PRKG1: variants seen among roughly 807,000 people sequenced by gnomAD.
PRKG1 encodes protein kinase cGMP-dependent 1.
PRKG1 carries 35 observed loss-of-function variants against 88.1 expected under a neutral mutation model. That is an observed-to-expected ratio of 0.40 (90% CI 0.30 to 0.53). The LOEUF (loss-of-function observed/expected upper bound fraction) is 0.53, where lower values mean the gene tolerates loss of function less well. Among genes scored for constraint, PRKG1 ranks in the 20% least tolerant of loss-of-function variants. The pLI is 0.59. For missense variants in PRKG1, 540 were observed against 839.8 expected (o/e 0.64, Z 4.41); for synonymous variants, 303 against 292.5 (o/e 1.04, Z -0.37).
chr10:51,828,920 C>A (rs1269130210), intron 4 of PRKG1, among the ~76,000 whole-genome samples: 1 of 152,192 alleles, frequency 6.6e-6, no homozygotes, highest in Non-Finnish European at 1.5e-5. Context: ...ACAAATTACA[C>A]CAAAACGTAC....
Position 51,969,091 on chromosome 10 carries a change from G to A in PRKG1, c.762+61521G>A, listed in dbSNP as rs543612320. On this transcript the variant is annotated intron_variant, in intron 5 of 17. Coordinates refer to ENST00000373980, the MANE Select transcript of PRKG1 (RefSeq NM_006258.4). ...GGTATGATTAAAAAACATGGTAAAT[G>A]TTAACATTGGTTTGGGAATTTTTCA... Among the ~76,000 whole-genome samples the A allele has an allele frequency of 2.0e-5, 3 of 152,198 alleles. No homozygotes were observed. The South Asian group carries it at 6.2e-4, about 32-fold the overall frequency.
chr10:51,490,593 G>GC (rs1297264317), intron 3 of PRKG1, among the ~76,000 whole-genome samples: 2 of 152,064 alleles, frequency 1.3e-5, no homozygotes, highest in African/African-American at 4.8e-5. Flanking sequence ...AGGTTAACTA[G>GC]CCTGTCACTC....
At chr10:52,189,442 G>A (rs556057796) in intron 9 of PRKG1, among the ~76,000 whole-genome samples, 8 of 152,176 alleles carry the variant, frequency 5.3e-5, no homozygotes, top group African/African-American at 1.2e-4. Context: ...AAAGCAGGAA[G>A]TGAGCAGTAG....
At chr10:51,509,029 A>G (rs2132056572) in intron 3 of PRKG1, among the ~76,000 whole-genome samples, 1 of 152,302 alleles carries the variant, frequency 6.6e-6, no homozygotes, top group Non-Finnish European at 1.5e-5. Flanking sequence ...ACACTACATG[A>G]CAACTGCTAT....
Position 51,728,562 on chromosome 10 carries a change from A to G in PRKG1, c.593-76023A>G, listed in dbSNP as rs529030183. On this transcript the variant is annotated intron_variant, in intron 3 of 17. Coordinates refer to ENST00000373980, the MANE Select transcript of PRKG1 (RefSeq NM_006258.4). ...AAGCCAGGAAGAAATCTATATTATT[A>G]CAGAGTACTTATCTCAGAAGGGTTG... Among the ~76,000 whole-genome samples the G allele has an allele frequency of 3.6e-3, 230 of 63,272 alleles. 1 individual carries two copies. Among genetic ancestry groups the G allele is most frequent in the African/African-American group, 0.013 (219 of 16,248 alleles). 41.5% of individuals were successfully genotyped at this position (63,272 alleles called of 152,430 possible).
intron 3 of PRKG1, among the ~76,000 whole-genome samples, chr10:51,618,755 A>G (rs896337325): frequency 6.6e-6 from 1 of 151,642 alleles, no homozygotes; most frequent in Non-Finnish European, 1.5e-5. Context: ...TTTATTTTTT[A>G]TTATTTATTA....
rs12261243 is a variant in PRKG1, at chr10:51,727,639, C to A, written c.593-76946C>A. Among the ~76,000 whole-genome samples the A allele has an allele frequency of 8.2e-3, 1,253 of 152,186 alleles. 20 individuals carry two copies. The highest frequency in any genetic ancestry group is 0.028 in the African/African-American group (1,176 of 41,510). ...TTCCCAGATGAACAGAGAGGCAGTACCTTAAGTCTGTACCCTATATCTTAA... is the reference window on the plus strand; with the variant it reads ...TTCCCAGATGAACAGAGAGGCAGTAACTTAAGTCTGTACCCTATATCTTAA... On this transcript the variant is annotated intron_variant, in intron 3 of 17. Transcript: ENST00000373980.
chr10:51,147,733 G>A (rs902616865), intron 1 of PRKG1, among the ~76,000 whole-genome samples: 1 of 152,110 alleles, frequency 6.6e-6, no homozygotes, highest in African/African-American at 2.4e-5. Flanking sequence ...CCTTTGTTTT[G>A]TATCAAATGC....
intron 2 of PRKG1, among the ~76,000 whole-genome samples, chr10:51,417,309 C>T (rs1338983515): frequency 1.3e-5 from 2 of 152,162 alleles, no homozygotes; most frequent in Admixed American, 6.5e-5. Flanking sequence ...GTTTCAGGAA[C>T]ATAAAGTTGA....
At chr10:52,293,499 G>A (rs888598811) in intron 17 of PRKG1, among the ~76,000 whole-genome samples, 2 of 152,260 alleles carry the variant, frequency 1.3e-5, no homozygotes, top group African/African-American at 4.8e-5. Flanking sequence ...CACGCTACAT[G>A]ATCACTCTTA....
chr10:51,378,478 T>C (rs1842858137), intron 2 of PRKG1, among the ~76,000 whole-genome samples: 1 of 152,230 alleles, frequency 6.6e-6, no homozygotes, highest in African/African-American at 2.4e-5. Context: ...ATTTGAGCGC[T>C]AGTGTTCAGC....
At chr10:51,271,454 A>G (rs1433131625) in intron 2 of PRKG1, among the ~76,000 whole-genome samples, 1 of 152,192 alleles carries the variant, frequency 6.6e-6, no homozygotes, top group Non-Finnish European at 1.5e-5. Flanking sequence ...GTTTTGTCCT[A>G]TAAATTGAGA....
intron 1 of PRKG1, among the ~76,000 whole-genome samples, chr10:51,120,076 T>C (rs1237908463): frequency 6.6e-6 from 1 of 152,116 alleles, no homozygotes; most frequent in African/African-American, 2.4e-5. Flanking sequence ...ATTGAGAATT[T>C]TTTTTTAACT....
chr10:51,730,458 A>G (rs1025025814), intron 3 of PRKG1, among the ~76,000 whole-genome samples: 4 of 152,210 alleles, frequency 2.6e-5, no homozygotes, highest in African/African-American at 4.8e-5. Flanking sequence ...TTCTTTACTC[A>G]TGTGAAGTGG....
intron 3 of PRKG1, among the ~76,000 whole-genome samples, chr10:51,761,275 A>G (rs1838015641): frequency 6.6e-6 from 1 of 152,256 alleles, no homozygotes; most frequent in Non-Finnish European, 1.5e-5. Flanking sequence ...TAGCATTACT[A>G]CTAGAACTTT....
intron 5 of PRKG1, among the ~76,000 whole-genome samples, chr10:51,970,499 G>A (rs530501669): frequency 6.6e-6 from 1 of 150,988 alleles, no homozygotes; most frequent in African/African-American, 2.4e-5. Flanking sequence ...ATTTCGAACA[G>A]ATAAAAAGAA....
intron 5 of PRKG1, among the ~76,000 whole-genome samples, chr10:52,034,434 C>T (rs11597751): frequency 0.12 from 17,532 of 148,618 alleles, 1,117 homozygotes; most frequent in Middle Eastern, 0.17. Flanking sequence ...AAACATTTGT[C>T]ATATAGAATG....
At chr10:51,684,885 T>A (rs7897777) in intron 3 of PRKG1, among the ~76,000 whole-genome samples, 9,456 of 152,122 alleles carry the variant, frequency 0.062, 671 homozygotes, top group African/African-American at 0.17. Flanking sequence ...AATATATATT[T>A]AGTTTTATGG....
At chr10:51,055,308 A>G (rs1171141930) in intron 1 of PRKG1, among the ~76,000 whole-genome samples, 5 of 152,100 alleles carry the variant, frequency 3.3e-5, no homozygotes, top group African/African-American at 1.2e-4. Context: ...GGAGTGGCTG[A>G]TGCCTCCAGC....
Sources: allele counts gnomAD v4.1 joint callset (sites outside exome capture counted in the v4.1 genomes callset), GRCh38; gene constraint gnomAD v4.1.1; transcripts MANE v1.5; gene names NCBI Gene and HGNC (gene_info 2026-07-23, HGNC 2026-07-21).